The following MFGE8 variants were observed in gnomAD, a reference collection of about 807,000 sequenced individuals.
MFGE8 encodes lactadherin.
MFGE8 carries 34 observed loss-of-function variants against 42.6 expected under a neutral mutation model. The observed-to-expected ratio is 0.80, with a 90% CI of 0.61 to 1.06. The LOEUF (loss-of-function observed/expected upper bound fraction) is 1.06. Among genes scored for constraint, MFGE8 ranks in the 50% least tolerant of loss-of-function variants. The probability of loss-of-function intolerance (pLI) is 0.00; values close to 1 mark genes in which losing one functional copy is unlikely to be tolerated. For synonymous variants in MFGE8, 230 were observed against 214.8 expected (o/e 1.07, Z -0.62); for missense variants, 510 against 516.9 (o/e 0.99, Z 0.13).
At position 88,905,489 on chromosome 15, in the gene MFGE8, A is replaced by C. The variant is rs1264480206; in HGVS notation, c.685+268T>G. On this transcript the variant is annotated intron_variant, in intron 5 of 7. Coordinates refer to ENST00000268150, the MANE Select transcript of MFGE8 (RefSeq NM_005928.4). This position sits in a 1 kb window ranked among gnomAD's most constrained non-coding sequence, Gnocchi z 6.6. Reference sequence around the variant, plus strand: ...TCTAGAAGCTACAGGAGAGGAGCCAACCAGAAGAAGGGAAAATACTTTGAA... The same window carrying C: ...TCTAGAAGCTACAGGAGAGGAGCCACCCAGAAGAAGGGAAAATACTTTGAA... 6.4e-6 allele frequency: 4 copies of C among 626,638 alleles called. No homozygotes were observed. The highest frequency in any genetic ancestry group is 6.3e-5 in the Admixed American group (3 of 47,516). 38.8% of individuals were successfully genotyped at this position (626,638 alleles called of 1,614,324 possible).
intron 1 of MFGE8, chr15:88,910,265 G>C (rs1445880977): frequency 2.8e-6 from 1 of 358,808 alleles, no homozygotes; most frequent in African/African-American, 2.1e-5. Flanking sequence ...GCAAGGTCCA[G>C]GGCAGGTCTC....
intron 3 of MFGE8, 25 bp downstream of exon 3, chr15:88,907,170 G>C (rs368699927): frequency 6.2e-7 from 1 of 1,605,160 alleles, no homozygotes; most frequent in South Asian, 1.1e-5. Context: ...CCATTGCCCC[G>C]CCCCAGGGCC....
At position 88,913,235 on chromosome 15, in the gene MFGE8, C is replaced by T. The variant is rs1258045612; in HGVS notation, c.73+12G>A. On this transcript the variant is annotated intron_variant, in intron 1 of 7. Coordinates refer to ENST00000268150, the MANE Select transcript of MFGE8 (RefSeq NM_005928.4). ...GAGGGGCGAGGGGCAGAGGGCGGCG[C>T]GATCCACTCACCCAGGGCGACGAGG... 8.0e-6 allele frequency: 12 copies of T among 1,501,614 alleles called. No individual in the cohort carries two copies. The highest frequency in any genetic ancestry group is 9.7e-6 in the Non-Finnish European group (11 of 1,132,614). 93.0% of individuals were successfully genotyped at this position (1,501,614 alleles called of 1,614,324 possible).
rs766109765 is a variant in MFGE8, at chr15:88,909,851, A to G, written c.146T>C (p.Val49Ala). 1.9e-6 allele frequency: 3 copies of G among 1,614,086 alleles called. No individual in the cohort carries two copies. The African/African-American group carries it at 4.0e-5, about 22-fold the overall frequency. Residue 49 changes from valine to alanine, a missense_variant, in exon 2 of 8, where the codon GTC becomes GCC. Val to Ala is a moderately conservative substitution (Grantham distance 64). Transcript: ENST00000268150. Reference sequence around the variant, plus strand: ...GCACGTGCAGGTGTACGAGGGGAAGACATCTCCTCGCACTTCTTGGGAAAT... The same window carrying G: ...GCACGTGCAGGTGTACGAGGGGAAGGCATCTCCTCGCACTTCTTGGGAAAT... ...EEISQEVRGDVFPSYTCTCLK... is the reference protein window; with the variant it reads ...EEISQEVRGDAFPSYTCTCLK...
rs781755398 is a variant in MFGE8, at chr15:88,906,554, G to C, written c.540+72C>G. On this transcript the variant is annotated intron_variant, in intron 4 of 7. Coordinates refer to ENST00000268150, the MANE Select transcript of MFGE8 (RefSeq NM_005928.4). This position sits in a 1 kb window ranked among gnomAD's most constrained non-coding sequence, Gnocchi z 4.2. ...CCTAGGGTTCTCTGGACTCGCTGGG[G>C]GTCCTCAGTCAATGCTAGAACCTTA... is the stretch of plus-strand genomic sequence containing the variant. The C allele has an allele frequency of 5.7e-6, 9 of 1,573,400 alleles. No homozygotes were observed. The South Asian group carries it at 7.8e-5, about 14-fold the overall frequency.
chr15:88,901,199 ACATT>A lies in MFGE8; in HGVS notation c.870+348_870+351del, dbSNP rs879267580. On this transcript the variant is annotated intron_variant, in intron 6 of 7. Transcript: ENST00000268150. ...CTCACACATTCACACACACATTCAC[ACATT>A]CACACACACACATTCACACATACAC... 4.7e-5 allele frequency among the ~76,000 whole-genome samples: 5 copies of A among 107,088 alleles called. 1 individual carries two copies. The highest frequency in any genetic ancestry group is 1.0e-4 in the Non-Finnish European group (5 of 48,164). 70.3% of individuals were successfully genotyped at this position (107,088 alleles called of 152,430 possible). A position where few individuals can be genotyped will look rare whatever the true frequency, so the allele number is the denominator to read the frequency against.
chr15:88,900,411 A>T (rs1898307608), intron 6 of MFGE8, among the ~76,000 whole-genome samples: 1 of 152,172 alleles, frequency 6.6e-6, no homozygotes, highest in Non-Finnish European at 1.5e-5. Flanking sequence ...GGGAAGAAGG[A>T]CAGGAGAGGC....
At position 88,903,152 on chromosome 15, in the gene MFGE8, C is replaced by A. The variant is rs1403723773; in HGVS notation, c.686-1417G>T. The A allele has an allele frequency of 6.6e-6, 1 of 152,264 alleles. No homozygotes were observed. The highest frequency in any genetic ancestry group is 1.5e-5 in the Non-Finnish European group (1 of 68,080). 9.4% of individuals were successfully genotyped at this position (152,264 alleles called of 1,614,324 possible). ...AACCTGGGCAGCTTTGCAGAGGACA[C>A]CAATTCTGCACAATGTGCTCAACGC... On this transcript the variant is annotated intron_variant, in intron 5 of 7. Coordinates refer to ENST00000268150, the MANE Select transcript of MFGE8 (RefSeq NM_005928.4). The surrounding 1 kb of genome is among the most constrained non-coding windows in gnomAD (Gnocchi z 4.9).
chr15:88,909,983 A>G (rs972904120), intron 1 of MFGE8, 60 bp from the exon 2 acceptor site: 1 of 1,606,092 alleles, frequency 6.2e-7, no homozygotes. Context: ...GACACAGGTG[A>G]GAAGTAGCAG....
At position 88,899,523 on chromosome 15, in the gene MFGE8, C is replaced by T. The variant is rs1453818799; in HGVS notation, c.1036G>A (p.Gly346Ser). 1.2e-6 allele frequency: 2 copies of T among 1,614,184 alleles called. No homozygotes were observed. The highest frequency in any genetic ancestry group is 1.7e-6 in the Non-Finnish European group (2 of 1,180,016). ...PRTGSSKIFP[G>S]NWDNHSHKKN... The stretch of plus-strand genomic sequence containing the variant: ...TTGTGGGAGTGGTTGTCCCAGTTGC[C>T]AGGGAAGATCTAGAGGCAGAGCGGG... The change falls in exon 8 of 8, where the codon GGC becomes AGC. Residue 346 changes from glycine (G) to serine (S), a missense_variant. Gly to Ser is a moderately conservative substitution (Grantham distance 56). Transcript: ENST00000268150. This position sits in a 1 kb window ranked among gnomAD's most constrained non-coding sequence, Gnocchi z 6.8.
Position 88,905,957 on chromosome 15 carries a change from C to G in MFGE8, c.541-56G>C. 4 of 1,600,788 alleles carry G rather than the reference C, an allele frequency of 2.5e-6. No homozygotes were observed. Among genetic ancestry groups the G allele is most frequent in the Non-Finnish European group, 3.4e-6 (4 of 1,168,370 alleles). On this transcript the variant is annotated intron_variant, in intron 4 of 7. Coordinates refer to ENST00000268150, the MANE Select transcript of MFGE8 (RefSeq NM_005928.4). This position sits in a 1 kb window ranked among gnomAD's most constrained non-coding sequence, Gnocchi z 6.6. The stretch of plus-strand genomic sequence containing the variant: ...GGGTCCATCTGAGCAGTCCCCCTCC[C>G]TGGGGTTACCTCATCTTCCTCTTCA...
In MFGE8 at chr15:88,913,311, G is replaced by T. The variant is rs1172332879; in HGVS notation, c.9C>A (p.Arg3=). Residue 3 remains arginine (R), a synonymous_variant, in exon 1 of 8, where the codon CGC becomes CGA. Coordinates refer to ENST00000268150, the MANE Select transcript of MFGE8 (RefSeq NM_005928.4). MP[R]PRLLAALCGA... is the part of the protein sequence containing the mutation. ...CGCACAGCGCGGCCAGCAGGCGGGGGCGCGGCATGCTGCGGGGACGCGGGC... is the reference window on the plus strand; with the variant it reads ...CGCACAGCGCGGCCAGCAGGCGGGGTCGCGGCATGCTGCGGGGACGCGGGC... 1 of 1,457,614 alleles carries T rather than the reference G, an allele frequency of 6.9e-7. No homozygotes were observed. 90.3% of individuals were successfully genotyped at this position (1,457,614 alleles called of 1,614,324 possible).
rs892240583 is a variant in MFGE8, at chr15:88,906,220, A to T, written c.541-319T>A. 1.9e-5 allele frequency: 9 copies of T among 475,104 alleles called. No individual in the cohort carries two copies. The Admixed American group carries it at 2.3e-4, about 12-fold the overall frequency. The allele number at this position is 475,104 out of a possible 1,614,324, so 29.4% of individuals were successfully genotyped here. On this transcript the variant is annotated intron_variant, in intron 4 of 7. Coordinates refer to ENST00000268150, the MANE Select transcript of MFGE8 (RefSeq NM_005928.4). This position sits in a 1 kb window ranked among gnomAD's most constrained non-coding sequence, Gnocchi z 4.2. ...AAGGCACTCCTTTCTCAAATAGTTT[A>T]TTATGACAATTTTCTGACAGAGTTC...
At chr15:88,907,402 G>GTGGC in intron 2 of MFGE8, 26 bp from the exon 3 acceptor site, 1 of 1,612,172 alleles carries the variant, frequency 6.2e-7, no homozygotes, top group Non-Finnish European at 8.5e-7. Flanking sequence ...TGGCAGTCAG[G>GTGGC]TGGCTACCCC....
At chr15:88,910,120 G>A (rs111802464) in intron 1 of MFGE8, 197 bp from the exon 2 acceptor site, 20 of 632,516 alleles carry the variant, frequency 3.2e-5, no homozygotes, top group African/African-American at 7.3e-5. Flanking sequence ...TAGGCGAATC[G>A]GCCCACATAA....
chr15:88,911,255 A>G (rs1898941754), intron 1 of MFGE8, among the ~76,000 whole-genome samples: 1 of 152,188 alleles, frequency 6.6e-6, no homozygotes, highest in Admixed American at 6.5e-5. Context: ...GATGTACACT[A>G]TCAGCCCCGG....
rs564416254 is a variant in MFGE8, at chr15:88,911,357, G to A, written c.74-1434C>T. Among the ~76,000 whole-genome samples, 13 of 152,258 alleles carry A rather than the reference G, an allele frequency of 8.5e-5. No homozygotes were observed. In the South Asian group the frequency reaches 1.2e-3, roughly 15 times the overall value. On this transcript the variant is annotated intron_variant, in intron 1 of 7. Coordinates refer to ENST00000268150, the MANE Select transcript of MFGE8 (RefSeq NM_005928.4). ...CGGGCCCAACAGGAGTCCTCTAGCC[G>A]ACATTAGCATCCCAGAAGGGCTGCC...
rs556492449 is a variant in MFGE8 at position 88,902,101 on chromosome 15, G to A, written c.686-366C>T. 157 of 332,768 alleles carry A rather than the reference G, an allele frequency of 4.7e-4. No homozygotes were observed. The highest frequency in any genetic ancestry group is 3.2e-3 in the South Asian group (115 of 36,106). 20.6% of individuals were successfully genotyped at this position (332,768 alleles called of 1,614,324 possible). A position where few individuals can be genotyped will look rare whatever the true frequency, so the allele number is the denominator to read the frequency against. On this transcript the variant is annotated intron_variant, in intron 5 of 7. Transcript: ENST00000268150. This position sits in a 1 kb window ranked among gnomAD's most constrained non-coding sequence, Gnocchi z 4.3. ...CTGCCCTGACTACTTCACTTGGGCA[G>A]GATTTCTTCCTCTTCTGGACTCACA...
chr15:88,911,329 G>A (rs1247234956), intron 1 of MFGE8, among the ~76,000 whole-genome samples: 2 of 152,290 alleles, frequency 1.3e-5, no homozygotes, highest in African/African-American at 2.4e-5. Flanking sequence ...CTGGTGGGTC[G>A]GCCGGGCCCA....
Sources: gnomAD v4.1 joint callset for allele counts (sites outside exome capture counted in the v4.1 genomes callset) on GRCh38, gnomAD v4.1.1 for gene constraint, Gnocchi (gnomAD v3.1) non-coding constraint, MANE v1.5 for transcripts, NCBI Gene and HGNC (gene_info 2026-07-23, HGNC 2026-07-21) for gene names.